UPRT: variants seen among roughly 807,000 people sequenced by gnomAD.
UPRT encodes RP11-311P8.3.
UPRT carries 5 observed loss-of-function variants against 22.6 expected under a neutral mutation model. The ratio of observed to expected loss-of-function variants is 0.22; its 90% confidence interval spans 0.12 to 0.47. The LOEUF is 0.47. Ranked by LOEUF, UPRT falls within the 20% of genes least tolerant of loss-of-function variation. The probability of loss-of-function intolerance (pLI) is 0.99; values close to 1 mark genes in which losing one functional copy is unlikely to be tolerated. For synonymous variants in UPRT, 77 were observed against 87.7 expected (o/e 0.88, Z 0.68); for missense variants, 181 against 239.9 (o/e 0.75, Z 1.62).
intron 4 of UPRT, among the ~76,000 whole-genome samples, chrX:75,177,148 G>A (rs951979250): frequency 3.6e-5 from 4 of 110,251 alleles, no homozygotes; most frequent in Admixed American, 9.6e-5. Context: ...TGCGCTCACC[G>A]ACACAGCAGC....
chrX:75,245,448 C>A (rs1052023000), intron 4 of UPRT, among the ~76,000 whole-genome samples: 2 of 107,337 alleles, frequency 1.9e-5, no homozygotes, highest in South Asian at 4.0e-4. Flanking sequence ...TGGGTATATA[C>A]CCAAAGAAAT....
chrX:75,207,774 C>G (rs1167524673), intron 4 of UPRT, among the ~76,000 whole-genome samples: 1 of 111,358 alleles, frequency 9.0e-6, no homozygotes, highest in Non-Finnish European at 1.9e-5. Flanking sequence ...GGTGGCCAGC[C>G]TTGGATGACA....
intron 1 of UPRT, among the ~76,000 whole-genome samples, chrX:75,293,089 A>AG (rs770776863): frequency 3.0e-4 from 33 of 111,198 alleles, no homozygotes; most frequent in Non-Finnish European, 5.1e-4. Flanking sequence ...AGGTGAGTTG[A>AG]GGGGGAGAAT....
At chrX:75,233,977 A>G (rs1401552461) in intron 4 of UPRT, among the ~76,000 whole-genome samples, 1 of 111,620 alleles carries the variant, frequency 9.0e-6, no homozygotes, top group African/African-American at 3.3e-5. Flanking sequence ...TCCAATTAAA[A>G]GGCACAGACT....
intron 4 of UPRT, among the ~76,000 whole-genome samples, chrX:75,178,166 C>T (rs982400595): frequency 3.6e-5 from 4 of 112,301 alleles, no homozygotes; most frequent in African/African-American, 9.7e-5. Flanking sequence ...CCAACGGTCC[C>T]AACTCCGAAG....
At chrX:75,197,056 G>A (rs957397627) in intron 4 of UPRT, among the ~76,000 whole-genome samples, 1 of 110,931 alleles carries the variant, frequency 9.0e-6, no homozygotes, top group Non-Finnish European at 1.9e-5. Flanking sequence ...ATACCTTCAA[G>A]AACAGTGAAT....
intron 4 of UPRT, among the ~76,000 whole-genome samples, chrX:75,266,175 C>A (rs1357823601): frequency 1.8e-5 from 2 of 111,405 alleles, no homozygotes; most frequent in African/African-American, 3.3e-5. Flanking sequence ...CATCATGCTA[C>A]CAGACCTCAA....
intron 4 of UPRT, among the ~76,000 whole-genome samples, chrX:75,238,350 A>G (rs1165560676): frequency 1.8e-5 from 2 of 111,875 alleles, no homozygotes; most frequent in African/African-American, 6.5e-5. Flanking sequence ...CAGACAAAAC[A>G]GACATTAAAG....
rs774648237 is a variant in UPRT, at chrX:75,252,725, A to G, written c.-446-38299A>G. Among the ~76,000 whole-genome samples, 4 of 112,371 alleles carry G rather than the reference A, an allele frequency of 3.6e-5. No individual in the cohort carries two copies. The South Asian group carries it at 1.5e-3, about 41-fold the overall frequency. On this transcript the variant is annotated intron_variant, in intron 4 of 13. Transcript: ENST00000652605. ...CCAAAGGATTATAAATCATGCTGCT[A>G]TAAAGACACATGCACACATATGTTT... is the stretch of plus-strand genomic sequence containing the variant.
chrX:75,290,113 A>C (rs2082700418), intron 1 of UPRT, among the ~76,000 whole-genome samples: 1 of 112,012 alleles, frequency 8.9e-6, no homozygotes. Context: ...ACGAGCAAAA[A>C]ACAAAGAACC....
intron 4 of UPRT, among the ~76,000 whole-genome samples, chrX:75,179,866 C>G (rs1490982115): frequency 8.9e-6 from 1 of 112,942 alleles, no homozygotes; most frequent in Non-Finnish European, 1.9e-5. Flanking sequence ...CCCGCAAGCG[C>G]CGCATGCAGC....
intron 4 of UPRT, among the ~76,000 whole-genome samples, chrX:75,298,858 G>A (rs1476447182): frequency 8.9e-6 from 1 of 112,046 alleles, no homozygotes; most frequent in Admixed American, 9.5e-5. Flanking sequence ...TGTACCCTTA[G>A]TATGTACTAG....
At chrX:75,282,843 G>C (rs1353945202) in intron 1 of UPRT, among the ~76,000 whole-genome samples, 7 of 111,632 alleles carry the variant, frequency 6.3e-5, no homozygotes, top group African/African-American at 2.3e-4. Flanking sequence ...CTTCTGTCTT[G>C]ATGACCTGTC....
intron 4 of UPRT, among the ~76,000 whole-genome samples, chrX:75,252,835 A>G (rs1459684186): frequency 8.9e-6 from 1 of 112,566 alleles, no homozygotes; most frequent in East Asian, 2.8e-4. Context: ...AATGTGGCAC[A>G]TATACACCAT....
intron 4 of UPRT, among the ~76,000 whole-genome samples, chrX:75,240,797 T>C (rs1014642337): frequency 6.3e-5 from 7 of 111,689 alleles, no homozygotes; most frequent in African/African-American, 2.3e-4. Context: ...TCAACTCATA[T>C]TTAACAAAGC....
chrX:75,233,960 T>TA (rs1346134546), intron 4 of UPRT, among the ~76,000 whole-genome samples: 3 of 111,045 alleles, frequency 2.7e-5, no homozygotes, highest in African/African-American at 9.8e-5. Flanking sequence ...GTAAGTGGAC[T>TA]AAATGCTCCA....
intron 4 of UPRT, among the ~76,000 whole-genome samples, chrX:75,173,312 C>A (rs1393519118): frequency 9.1e-6 from 1 of 109,420 alleles, no homozygotes; most frequent in Non-Finnish European, 1.9e-5. Flanking sequence ...AAGGCCCCAC[C>A]AGAGCAGCTA....
At chrX:75,184,364 T>C (rs1166766359) in intron 4 of UPRT, among the ~76,000 whole-genome samples, 1 of 109,221 alleles carries the variant, frequency 9.2e-6, no homozygotes, top group African/African-American at 3.3e-5. Flanking sequence ...GAGGGCTCTG[T>C]TCTGTTCCAT....
intron 4 of UPRT, among the ~76,000 whole-genome samples, chrX:75,197,298 A>G (rs773810514): frequency 3.6e-5 from 4 of 112,011 alleles, no homozygotes; most frequent in Non-Finnish European, 7.5e-5. Flanking sequence ...TATGACTTAA[A>G]GAATCAACAC....
Sources: gnomAD v4.1 joint callset for allele counts (sites outside exome capture counted in the v4.1 genomes callset) on GRCh38, gnomAD v4.1.1 for gene constraint, MANE v1.5 for transcripts, NCBI Gene and HGNC (gene_info 2026-07-23, HGNC 2026-07-21) for gene names.